Variants in ACTR3C observed in about 807,000 individuals in gnomAD.
The protein encoded by ACTR3C is actin related protein 3C.
ACTR3C carries 18 observed loss-of-function variants against 26.3 expected under a neutral mutation model. The observed-to-expected ratio is 0.68, with a 90% confidence interval of 0.47 to 1.01. The LOEUF is 1.01. ACTR3C is among the 50% of genes least tolerant of loss of function. The pLI is 0.00. For missense variants in ACTR3C, 184 were observed against 250.7 expected (o/e 0.73, Z 1.80); for synonymous variants, 55 against 94.5 (o/e 0.58, Z 2.42).
chr7:150,047,682 C>T, the ACTR3C span: 1 of 1,088,684 alleles, frequency 9.2e-7, no homozygotes. Context: ...GCCGCCGCCG[C>T]CGCCGCGCTC....
At chr7:150,075,460 AT>A in the ACTR3C span, among the ~76,000 whole-genome samples, 1 of 151,006 alleles carries the variant, frequency 6.6e-6, no homozygotes, top group Non-Finnish European at 1.5e-5. Context: ...CAAGACTCTC[AT>A]TGGTTTATAT....
chr7:149,903,943 C>T, the ACTR3C span, among the ~76,000 whole-genome samples: 87 of 115,202 alleles, frequency 7.6e-4, 7 homozygotes, highest in South Asian at 0.037. Context: ...TGTTTTGAGA[C>T]AGCGTCTGGT....
At chr7:150,110,079 G>A in the ACTR3C span, among the ~76,000 whole-genome samples, 14 of 117,086 alleles carry the variant, frequency 1.2e-4, no homozygotes, top group East Asian at 2.5e-3. Context: ...GGGCTCCAGG[G>A]CAGGCGAGGG....
chr7:150,165,258 T>C, the ACTR3C span, among the ~76,000 whole-genome samples: 6 of 152,106 alleles, frequency 3.9e-5, no homozygotes, highest in Non-Finnish European at 7.3e-5. Context: ...TCCCCTCTGT[T>C]TGAGACATGA....
chr7:149,959,738 T>C, the ACTR3C span, among the ~76,000 whole-genome samples: 17 of 152,234 alleles, frequency 1.1e-4, no homozygotes, highest in African/African-American at 3.9e-4. Context: ...AAAGGTTTTA[T>C]GGTCATTTAT....
the ACTR3C span, among the ~76,000 whole-genome samples, chr7:149,963,164 G>A: frequency 3.9e-5 from 6 of 152,184 alleles, no homozygotes; most frequent in Non-Finnish European, 7.3e-5. Context: ...AGTCTTTGCC[G>A]GGAGAATGAG....
chr7:149,955,070 C>T, the ACTR3C span, among the ~76,000 whole-genome samples: 1 of 152,206 alleles, frequency 6.6e-6, no homozygotes, highest in African/African-American at 2.4e-5. Context: ...CCTGACTGTA[C>T]TGACCAAGAT....
the ACTR3C span, among the ~76,000 whole-genome samples, chr7:150,053,505 G>A: frequency 1.3e-5 from 2 of 152,246 alleles, no homozygotes; most frequent in Non-Finnish European, 2.9e-5. Context: ...CATGCCTTGT[G>A]AAGGACCAAG....
At chr7:150,199,739 A>AC in the ACTR3C span, among the ~76,000 whole-genome samples, 27 of 139,574 alleles carry the variant, frequency 1.9e-4, no homozygotes, top group African/African-American at 5.8e-4. Flanking sequence ...AAAAAAAAAA[A>AC]AAAAAAAACA....
the ACTR3C span, among the ~76,000 whole-genome samples, chr7:150,041,910 C>CA: frequency 8.2e-5 from 7 of 85,170 alleles, no homozygotes; most frequent in East Asian, 1.7e-3. Flanking sequence ...TCCTCAGAGC[C>CA]AGGGGGGGAA....
the ACTR3C span, among the ~76,000 whole-genome samples, chr7:150,083,279 T>C: frequency 2.0e-5 from 3 of 151,884 alleles, no homozygotes; most frequent in African/African-American, 7.2e-5. Flanking sequence ...CAATAAATTA[T>C]TGTTGACTGG....
intron 1 of ACTR3C, among the ~76,000 whole-genome samples, chr7:150,295,561 G>A (rs1222052728): frequency 6.6e-6 from 1 of 152,260 alleles, no homozygotes; most frequent in Non-Finnish European, 1.5e-5. Flanking sequence ...GAAGGCCTCT[G>A]TTCTTATTAC....
the ACTR3C span, among the ~76,000 whole-genome samples, chr7:150,166,288 C>T: frequency 2.6e-5 from 4 of 150,952 alleles, 1 homozygote; most frequent in African/African-American, 9.9e-5. Context: ...TTGCATGCAA[C>T]GTGTAATGAT....
At chr7:149,919,398 G>A in the ACTR3C span, among the ~76,000 whole-genome samples, 2 of 151,192 alleles carry the variant, frequency 1.3e-5, no homozygotes, top group East Asian at 3.9e-4. Flanking sequence ...CCACCACCAT[G>A]CCCAGCTAAT....
chr7:150,212,768 C>T, the ACTR3C span, among the ~76,000 whole-genome samples: 12 of 152,176 alleles, frequency 7.9e-5, no homozygotes, highest in Admixed American at 7.2e-4. Flanking sequence ...GTCTATCAGA[C>T]GTGGCCCTTC....
intron 1 of ACTR3C, among the ~76,000 whole-genome samples, chr7:150,321,803 G>A (rs1433875323): frequency 6.6e-6 from 1 of 152,146 alleles, no homozygotes; most frequent in Non-Finnish European, 1.5e-5. Flanking sequence ...ACTATTCTTG[G>A]GCAGGGGTCC....
chr7:150,026,570 A>G, the ACTR3C span, among the ~76,000 whole-genome samples: 1 of 152,052 alleles, frequency 6.6e-6, no homozygotes, highest in Non-Finnish European at 1.5e-5. Context: ...CTACAAATAC[A>G]GTTTCCCATA....
the ACTR3C span, among the ~76,000 whole-genome samples, chr7:150,134,994 A>G: frequency 6.6e-6 from 1 of 152,386 alleles, no homozygotes; most frequent in East Asian, 1.9e-4. Flanking sequence ...TAACAAAAAT[A>G]TGATGGAAAT....
chr7:150,053,576 C>T, the ACTR3C span, among the ~76,000 whole-genome samples: 926 of 152,348 alleles, frequency 6.1e-3, 5 homozygotes, highest in African/African-American at 0.022. Context: ...CAAGGGCTTA[C>T]ACTGTCTTCT....
Sources: gnomAD v4.1 joint callset for allele counts (sites outside exome capture counted in the v4.1 genomes callset) on GRCh38, gnomAD v4.1.1 for gene constraint, MANE v1.5 for transcripts, NCBI Gene and HGNC (gene_info 2026-07-23, HGNC 2026-07-21) for gene names.